NCOA1: variants seen among roughly 807,000 people sequenced by gnomAD.
NCOA1 encodes Hin-2 protein.
In NCOA1, 35 loss-of-function variants were observed where a neutral mutation model predicts 150.9. The observed-to-expected ratio is 0.23, with a 90% CI of 0.18 to 0.31. The LOEUF is 0.31. NCOA1 is among the 10% of genes least tolerant of loss of function. NCOA1 has a pLI of 1.00. For missense variants in NCOA1, 1,491 were observed against 1,749.3 expected (o/e 0.85, Z 2.63); for synonymous variants, 590 against 630.0 (o/e 0.94, Z 0.95).
intron 19 of NCOA1, among the ~76,000 whole-genome samples, chr2:24,750,284 G>A (rs1225664257): frequency 6.6e-6 from 1 of 152,148 alleles, no homozygotes; most frequent in Non-Finnish European, 1.5e-5. Context: ...AAAGGACCTA[G>A]AGTAGCCAAA....
intron 10 of NCOA1, among the ~76,000 whole-genome samples, chr2:24,697,418 C>T (rs1672955698): frequency 6.6e-6 from 1 of 152,094 alleles, no homozygotes; most frequent in Non-Finnish European, 1.5e-5. Context: ...GACTTTAATC[C>T]TAGACCAGAA....
At chr2:24,669,822 A>G (rs1025442837) in intron 6 of NCOA1, among the ~76,000 whole-genome samples, 2 of 152,226 alleles carry the variant, frequency 1.3e-5, no homozygotes, top group African/African-American at 4.8e-5. Context: ...ATACCATTTC[A>G]CACTCACTAA....
chr2:24,618,294 G>A (rs1226602233), intron 3 of NCOA1, among the ~76,000 whole-genome samples: 1 of 152,096 alleles, frequency 6.6e-6, no homozygotes, highest in Non-Finnish European at 1.5e-5. Flanking sequence ...ATAAGACACG[G>A]CAGCCTCTTG....
At position 24,769,887 on chromosome 2, in the gene NCOA1, C is replaced by T; in HGVS notation, c.*1496C>T. ...CCTGGGCCTGTGAATGATGACAGCA[C>T]CTGACATTCTGCACCAGCTACCTCT... On this transcript the variant is annotated 3_prime_UTR_variant, in exon 23 of 23. Transcript: ENST00000348332. 1 of 225,580 alleles carries T rather than the reference C, an allele frequency of 4.4e-6. No individual in the cohort carries two copies. The highest frequency in any genetic ancestry group is 8.8e-6 in the Non-Finnish European group (1 of 113,074). The allele number at this position is 225,580 out of a possible 1,614,324, so 14.0% of individuals were successfully genotyped here. A position where few individuals can be genotyped will look rare whatever the true frequency, so the allele number is the denominator to read the frequency against.
At position 24,769,831 on chromosome 2, in the gene NCOA1, TAGACCCCCATCACTC is replaced by T; in HGVS notation, c.*1442_*1456del. ...AAAGGTATTGTGGAAGAAGCAAAGG[TAGACCCCCATCACTC>T]ACCTTTGTCTGCATCCCTGGGCCTG... is the stretch of plus-strand genomic sequence containing the variant. On this transcript the variant is annotated 3_prime_UTR_variant, in exon 23 of 23. Transcript: ENST00000348332. The T allele has an allele frequency of 4.5e-6, 1 of 223,430 alleles. No individual in the cohort carries two copies. Among genetic ancestry groups the T allele is most frequent in the Non-Finnish European group, 9.0e-6 (1 of 111,710 alleles). The allele number at this position is 223,430 out of a possible 1,614,324, so 13.8% of individuals were successfully genotyped here. A position where few individuals can be genotyped will look rare whatever the true frequency, so the allele number is the denominator to read the frequency against.
At chr2:24,618,293 G>A (rs1402108633) in intron 3 of NCOA1, among the ~76,000 whole-genome samples, 4 of 152,038 alleles carry the variant, frequency 2.6e-5, no homozygotes, top group African/African-American at 4.8e-5. Context: ...GATAAGACAC[G>A]GCAGCCTCTT....
chr2:24,623,983 A>G (rs565334521), intron 3 of NCOA1, among the ~76,000 whole-genome samples: 2 of 152,300 alleles, frequency 1.3e-5, no homozygotes, highest in African/African-American at 4.8e-5. Flanking sequence ...AGACCTTTTC[A>G]TGGAGTCCAC....
At chr2:24,736,221 C>CAAAAAA (rs758822213) in intron 17 of NCOA1, among the ~76,000 whole-genome samples, 8 of 63,396 alleles carry the variant, frequency 1.3e-4, no homozygotes, top group South Asian at 5.3e-4. Flanking sequence ...AACTCCGTCT[C>CAAAAAA]AAAAAAAAAA....
intron 2 of NCOA1, among the ~76,000 whole-genome samples, chr2:24,577,986 C>T (rs140793874): frequency 2.9e-3 from 434 of 152,214 alleles, no homozygotes; most frequent in Non-Finnish European, 4.8e-3. Context: ...GTTGGATTGA[C>T]AGATACCTTC....
intron 15 of NCOA1, among the ~76,000 whole-genome samples, chr2:24,727,180 G>T (rs1396203612): frequency 6.6e-6 from 1 of 150,810 alleles, no homozygotes; most frequent in Non-Finnish European, 1.5e-5. Context: ...GGGGACAAGG[G>T]AAAGACACTG....
intron 4 of NCOA1, among the ~76,000 whole-genome samples, chr2:24,647,175 G>A (rs1457887119): frequency 6.6e-6 from 1 of 152,036 alleles, no homozygotes; most frequent in Non-Finnish European, 1.5e-5. Flanking sequence ...GCTCTTACTG[G>A]ATATATTAAG....
At position 24,568,372 on chromosome 2, in the gene NCOA1, C is replaced by T. The variant is rs186224582; in HGVS notation, c.-260+3942C>T. 3.0e-4 allele frequency among the ~76,000 whole-genome samples: 46 copies of T among 152,142 alleles called. No individual in the cohort carries two copies. The East Asian group carries it at 7.5e-3, about 25-fold the overall frequency. On this transcript the variant is annotated intron_variant, in intron 2 of 22. Transcript: ENST00000348332. ...CTGGACTCAGTAAAACATTTGAAAGCAAATTTTGGCCAGTTATATTAAGGG... is the reference window on the plus strand; with the variant it reads ...CTGGACTCAGTAAAACATTTGAAAGTAAATTTTGGCCAGTTATATTAAGGG...
At chr2:24,644,749 C>G (rs541965257) in intron 4 of NCOA1, among the ~76,000 whole-genome samples, 123 of 151,992 alleles carry the variant, frequency 8.1e-4, no homozygotes, top group Non-Finnish European at 1.4e-3. Flanking sequence ...GGGAAAACTT[C>G]CAGGAGAAAA....
chr2:24,565,143 T>A (rs763007612), intron 2 of NCOA1, among the ~76,000 whole-genome samples: 19 of 152,246 alleles, frequency 1.2e-4, no homozygotes, highest in Non-Finnish European at 2.5e-4. Flanking sequence ...TTCCAAAACA[T>A]GGGGTGGATC....
At chr2:24,591,691 T>C (rs1299691551) in intron 3 of NCOA1, among the ~76,000 whole-genome samples, 3 of 152,130 alleles carry the variant, frequency 2.0e-5, no homozygotes, top group Admixed American at 6.6e-5. Flanking sequence ...TACTCTTCTA[T>C]TGGCCTAGAG....
intron 1 of NCOA1, among the ~76,000 whole-genome samples, chr2:24,546,914 A>G (rs2148209556): frequency 6.6e-6 from 1 of 152,238 alleles, no homozygotes; most frequent in South Asian, 2.1e-4. Context: ...AAGAAGAGGG[A>G]GTAAGGGGAA....
chr2:24,751,305 G>A (rs868632579), intron 19 of NCOA1, among the ~76,000 whole-genome samples: 6 of 150,676 alleles, frequency 4.0e-5, no homozygotes, highest in South Asian at 2.1e-4. Flanking sequence ...ATTTACAGCC[G>A]GGCGCGGTGG....
chr2:24,736,135 C>T (rs1350851517), intron 17 of NCOA1, among the ~76,000 whole-genome samples: 1 of 151,216 alleles, frequency 6.6e-6, no homozygotes, highest in African/African-American at 2.4e-5. Context: ...ACAAGAGAAT[C>T]GCTTGAACCC....
At chr2:24,673,325 T>C (rs1161993811) in intron 6 of NCOA1, 41 bp from the exon 7 acceptor site, 3 of 1,349,172 alleles carry the variant, frequency 2.2e-6, no homozygotes, top group Non-Finnish European at 3.0e-6. Flanking sequence ...GGAAATAAGC[T>C]CTTTTCAGAT....
Sources: gnomAD v4.1 joint callset for allele counts (sites outside exome capture counted in the v4.1 genomes callset) on GRCh38, gnomAD v4.1.1 for gene constraint, MANE v1.5 for transcripts, NCBI Gene and HGNC (gene_info 2026-07-23, HGNC 2026-07-21) for gene names.